Variants in GPC5 observed in about 807,000 individuals in gnomAD.
GPC5 encodes glypican 5.
A neutral mutation model predicts 53.9 loss-of-function variants in GPC5; 47 were observed. The observed-to-expected ratio is 0.87, with a 90% CI of 0.69 to 1.11. GPC5 has a LOEUF of 1.11. Ranked by LOEUF, GPC5 falls within the 50% of genes most tolerant of loss-of-function variation. The probability of loss-of-function intolerance (pLI) is 0.00; values close to 1 mark genes in which losing one functional copy is unlikely to be tolerated. For missense variants in GPC5, 748 were observed against 713.1 expected (o/e 1.05, Z -0.56); for synonymous variants, 286 against 263.3 (o/e 1.09, Z -0.84).
At chr13:91,892,476 C>A (rs1594645449) in intron 5 of GPC5, among the ~76,000 whole-genome samples, 1 of 151,456 alleles carries the variant, frequency 6.6e-6, no homozygotes, top group East Asian at 1.9e-4. Context: ...TTACATTTTT[C>A]ATTAAAAACA....
chr13:91,607,671 A>AAT (rs2033415794), intron 2 of GPC5, among the ~76,000 whole-genome samples: 2 of 152,258 alleles, frequency 1.3e-5, no homozygotes, highest in Admixed American at 1.3e-4. Context: ...GTCTTATTCC[A>AAT]AGACGTTGTT....
At chr13:92,357,941 C>T (rs2043536231) in intron 7 of GPC5, among the ~76,000 whole-genome samples, 1 of 151,542 alleles carries the variant, frequency 6.6e-6, no homozygotes, top group Non-Finnish European at 1.5e-5. Context: ...ATGTTCTTCA[C>T]ACATTGCAAA....
At chr13:92,613,514 TATA>T (rs1175877808) in intron 7 of GPC5, among the ~76,000 whole-genome samples, 8 of 96,388 alleles carry the variant, frequency 8.3e-5, no homozygotes, top group Admixed American at 2.9e-4. Flanking sequence ...ATATATAAAA[TATA>T]ATATATAATT....
intron 1 of GPC5, among the ~76,000 whole-genome samples, chr13:91,444,636 G>T (rs1014445755): frequency 6.6e-6 from 1 of 152,062 alleles, no homozygotes; most frequent in Non-Finnish European, 1.5e-5. Flanking sequence ...TGCACTTTGG[G>T]CTAGACTTTC....
At chr13:92,159,280 G>C (rs1868552459) in intron 7 of GPC5, among the ~76,000 whole-genome samples, 1 of 152,116 alleles carries the variant, frequency 6.6e-6, no homozygotes, top group Admixed American at 6.6e-5. Context: ...ACTTCGTCTG[G>C]TTTCTTTTCT....
chr13:91,860,171 G>A (rs541567625), intron 5 of GPC5, among the ~76,000 whole-genome samples: 124 of 152,024 alleles, frequency 8.2e-4, no homozygotes, highest in African/African-American at 2.4e-3. Flanking sequence ...TTATTCCTCC[G>A]ATCCAGCTTT....
intron 7 of GPC5, among the ~76,000 whole-genome samples, chr13:92,641,062 A>G (rs1208622434): frequency 3.3e-5 from 5 of 152,146 alleles, no homozygotes; most frequent in African/African-American, 1.2e-4. Flanking sequence ...TCACGAGAAT[A>G]CTTATCTTTG....
intron 7 of GPC5, among the ~76,000 whole-genome samples, chr13:92,713,877 G>A (rs962725223): frequency 8.5e-5 from 13 of 152,108 alleles, no homozygotes; most frequent in South Asian, 2.1e-4. Context: ...TGTTACACCC[G>A]TTCTGGTAAG....
At chr13:92,327,321 A>G (rs1445364764) in intron 7 of GPC5, among the ~76,000 whole-genome samples, 1 of 152,148 alleles carries the variant, frequency 6.6e-6, no homozygotes, top group Non-Finnish European at 1.5e-5. Context: ...TCCACTGTAA[A>G]ATACTTTCAA....
chr13:92,826,155 A>G (rs1409425710), intron 7 of GPC5, among the ~76,000 whole-genome samples: 2 of 152,074 alleles, frequency 1.3e-5, no homozygotes, highest in Non-Finnish European at 2.9e-5. Context: ...CTGTGGTTAG[A>G]TCACGTTACC....
intron 3 of GPC5, among the ~76,000 whole-genome samples, chr13:91,720,001 T>A (rs1159645153): frequency 6.6e-6 from 1 of 152,222 alleles, no homozygotes; most frequent in Non-Finnish European, 1.5e-5. Context: ...TTCCACACTA[T>A]GGAAAATGTT....
chr13:92,577,863 A>T (rs1469174282), intron 7 of GPC5, among the ~76,000 whole-genome samples: 1 of 152,194 alleles, frequency 6.6e-6, no homozygotes, highest in Non-Finnish European at 1.5e-5. Context: ...GCAGAAAAAA[A>T]TTTTAAAAAA....
intron 2 of GPC5, among the ~76,000 whole-genome samples, chr13:91,662,934 G>C (rs2035019679): frequency 6.6e-6 from 1 of 152,206 alleles, no homozygotes; most frequent in African/African-American, 2.4e-5. Context: ...GCAAAACAGA[G>C]AGAGATGGAT....
intron 7 of GPC5, among the ~76,000 whole-genome samples, chr13:92,474,924 A>G (rs530246201): frequency 6.6e-6 from 1 of 152,250 alleles, no homozygotes; most frequent in East Asian, 1.9e-4. Flanking sequence ...TGATTACAGA[A>G]CAGTTATATT....
intron 7 of GPC5, among the ~76,000 whole-genome samples, chr13:92,290,953 G>A (rs2042990326): frequency 6.6e-6 from 1 of 152,148 alleles, no homozygotes; most frequent in African/African-American, 2.4e-5. Flanking sequence ...TTCTGGGTGG[G>A]CCTGGGCTCG....
intron 7 of GPC5, among the ~76,000 whole-genome samples, chr13:92,620,236 A>G (rs1285408223): frequency 6.6e-6 from 1 of 152,146 alleles, no homozygotes; most frequent in Admixed American, 6.5e-5. Flanking sequence ...AAACTCAAGA[A>G]AAAACTTTCA....
At chr13:92,398,820 T>C (rs187693331) in intron 7 of GPC5, among the ~76,000 whole-genome samples, 13 of 152,308 alleles carry the variant, frequency 8.5e-5, no homozygotes, top group Middle Eastern at 3.4e-3. Flanking sequence ...AATATTTTGC[T>C]TCAGGTCATC....
chr13:91,559,003 C>T (rs1212177480), intron 2 of GPC5, among the ~76,000 whole-genome samples: 1 of 151,920 alleles, frequency 6.6e-6, no homozygotes, highest in Admixed American at 6.6e-5. Flanking sequence ...ACTTACTGGT[C>T]AAATTACTAT....
intron 7 of GPC5, among the ~76,000 whole-genome samples, chr13:92,483,955 GC>G (rs906816745): frequency 3.7e-4 from 57 of 152,140 alleles, no homozygotes; most frequent in African/African-American, 1.3e-3. Context: ...GGACAACATA[GC>G]AAAACCTTGT....
Sources: allele counts gnomAD v4.1 joint callset (sites outside exome capture counted in the v4.1 genomes callset), GRCh38; gene constraint gnomAD v4.1.1; transcripts MANE v1.5; gene names NCBI Gene and HGNC (gene_info 2026-07-23, HGNC 2026-07-21).